MFSD1: variants seen among roughly 807,000 people sequenced by gnomAD.
MFSD1 encodes major facilitator superfamily domain containing 1.
MFSD1 carries 59 observed loss-of-function variants against 67.1 expected under a neutral mutation model. That is an observed-to-expected ratio of 0.88 (90% CI 0.71 to 1.09). The LOEUF (loss-of-function observed/expected upper bound fraction) is 1.09, where lower values mean the gene tolerates loss of function less well. Ranked by LOEUF, MFSD1 falls within the 50% of genes least tolerant of loss-of-function variation. The pLI is 0.00. For missense variants in MFSD1, 552 were observed against 566.1 expected, an observed-to-expected ratio of 0.97 and a Z score of 0.25; for synonymous variants, 213 against 200.3, an observed-to-expected ratio of 1.06 and a Z score of -0.54.
chr3:158,814,261 T>C (rs552391563), intron 7 of MFSD1, among the ~76,000 whole-genome samples, 194 bp downstream of exon 7: 1 of 152,352 alleles, frequency 6.6e-6, no homozygotes, highest in East Asian at 1.9e-4. Context: ...TTCCACTTTC[T>C]GAAAATGGAT....
intron 12 of MFSD1, 83 bp from the exon 13 acceptor site, chr3:158,824,041 A>T: frequency 1.1e-6 from 1 of 922,042 alleles, no homozygotes; most frequent in Non-Finnish European, 1.7e-6. Context: ...TGGTTCACAG[A>T]TACTAATATT....
At chr3:158,807,348 C>G (rs1729779893) in intron 4 of MFSD1, 48 bp from the exon 5 acceptor site, 2 of 1,455,512 alleles carry the variant, frequency 1.4e-6, no homozygotes, top group South Asian at 1.2e-5. Context: ...CTCTTTAATA[C>G]TTTGAATTTA....
chr3:158,817,545 A>T (rs1438165404), intron 7 of MFSD1, among the ~76,000 whole-genome samples: 1 of 152,232 alleles, frequency 6.6e-6, no homozygotes, highest in Non-Finnish European at 1.5e-5. Flanking sequence ...CTTACAAGGG[A>T]TGTGAAGAAC....
chr3:158,809,579 C>T (rs1314255312), intron 6 of MFSD1, among the ~76,000 whole-genome samples: 1 of 152,006 alleles, frequency 6.6e-6, no homozygotes. Context: ...TTTTGGCATC[C>T]CTGCTAGAAC....
intron 6 of MFSD1, among the ~76,000 whole-genome samples, chr3:158,812,979 G>A (rs1007874867): frequency 6.6e-6 from 1 of 151,934 alleles, no homozygotes. Context: ...TTTCCTGCAA[G>A]TTTATACGCC....
At chr3:158,807,246 A>C (rs915258016) in intron 4 of MFSD1, 150 bp from the exon 5 acceptor site, 1 of 918,544 alleles carries the variant, frequency 1.1e-6, no homozygotes, top group Non-Finnish European at 1.7e-6. Flanking sequence ...GCCTTGAAAT[A>C]AATGAACATT....
chr3:158,826,141 G>A, intron 14 of MFSD1, 79 bp downstream of exon 14: 1 of 1,132,266 alleles, frequency 8.8e-7, no homozygotes, highest in East Asian at 2.4e-5. Flanking sequence ...CTCTTTGGGG[G>A]CCAGTGCTTT....
chr3:158,824,504 T>A (rs779905357), intron 13 of MFSD1: 21 of 375,720 alleles, frequency 5.6e-5, no homozygotes, highest in Non-Finnish European at 9.7e-5. Context: ...GTGGAACAAT[T>A]TGAAGAGTCC....
chr3:158,810,261 C>G (rs1306352407), intron 6 of MFSD1, among the ~76,000 whole-genome samples: 1 of 152,092 alleles, frequency 6.6e-6, no homozygotes, highest in Non-Finnish European at 1.5e-5. Context: ...TTGGCATTCC[C>G]AAATCCCATT....
chr3:158,809,269 A>C lies in MFSD1; in HGVS notation c.531A>C (p.Gln177His), dbSNP rs762040483. ...AATTAAACCTGGTGTTTGGACTTCA[A>C]CTTAGCATGGCTAGAATTGTAAGTA... ...GKELNLVFGL[Q>H]LSMARIGSTV... Residue 177 changes from glutamine (Q) to histidine (H), a missense_variant, in exon 6 of 16, where the codon CAA becomes CAC. Gln to His is a conservative substitution (Grantham distance 24). Transcript: ENST00000415822. 1.2e-6 allele frequency: 2 copies of C among 1,607,060 alleles called. No individual in the cohort carries two copies. The highest frequency in any genetic ancestry group is 2.2e-5 in the South Asian group (2 of 89,752).
At chr3:158,825,181 C>T (rs1379937795) in intron 13 of MFSD1, 2 of 152,012 alleles carry the variant, frequency 1.3e-5, no homozygotes, top group Non-Finnish European at 2.9e-5. Flanking sequence ...TTTTTAGAGA[C>T]AGGATTTGTC....
chr3:158,811,010 T>C (rs1729978913), intron 6 of MFSD1, among the ~76,000 whole-genome samples: 1 of 152,226 alleles, frequency 6.6e-6, no homozygotes, highest in Admixed American at 6.5e-5. Flanking sequence ...GACTTCATTC[T>C]GGTTACCAGG....
chr3:158,803,849 A>G (rs1189661863), intron 1 of MFSD1, among the ~76,000 whole-genome samples: 2 of 151,660 alleles, frequency 1.3e-5, no homozygotes, highest in Non-Finnish European at 2.9e-5. Flanking sequence ...GATTTTGGGT[A>G]GTTTGTAGAA....
Position 158,802,120 on chromosome 3 carries a change from A to G in MFSD1, c.-33A>G, listed in dbSNP as rs1465163982. 5.0e-6 allele frequency: 8 copies of G among 1,609,044 alleles called. No homozygotes were observed. In the Admixed American group the frequency reaches 5.0e-5, roughly 10 times the overall value. Reference sequence around the variant, plus strand: ...CTTCCTGCCTGGGTTTGGAGTTGTCACCACTTTCCCCTCTCCGTCTCCTGC... The same window carrying G: ...CTTCCTGCCTGGGTTTGGAGTTGTCGCCACTTTCCCCTCTCCGTCTCCTGC... On this transcript the variant is annotated 5_prime_UTR_variant, in exon 1 of 16. Transcript: ENST00000415822.
In MFSD1 at chr3:158,805,360, A is replaced by G. The variant is rs773348563; in HGVS notation, c.217-2A>G. 64 of 1,604,268 alleles carry G rather than the reference A, an allele frequency of 4.0e-5. No homozygotes were observed. The highest frequency in any genetic ancestry group is 5.3e-5 in the Non-Finnish European group (62 of 1,171,058). ...AAATAGTTTTATTTTCTTTTCATAT[A>G]GGATATGCAAGTGAATACCACGAAA... On this transcript the variant is annotated splice_acceptor_variant, in intron 2 of 15. Transcript: ENST00000415822. LOFTEE classifies it high-confidence loss of function.
chr3:158,817,936 A>T (rs1730464210), intron 7 of MFSD1, among the ~76,000 whole-genome samples: 1 of 152,150 alleles, frequency 6.6e-6, no homozygotes, highest in South Asian at 2.1e-4. Flanking sequence ...TTTGGATCCT[A>T]TTATAATATA....
intron 7 of MFSD1, among the ~76,000 whole-genome samples, chr3:158,817,708 C>T (rs986098420): frequency 7.2e-5 from 11 of 152,166 alleles, no homozygotes; most frequent in African/African-American, 2.7e-4. Flanking sequence ...CCATCCCCAT[C>T]AAGCTACCAA....
At chr3:158,826,634 C>A (rs1417019496) in intron 14 of MFSD1, among the ~76,000 whole-genome samples, 1 of 149,896 alleles carries the variant, frequency 6.7e-6, no homozygotes, top group Non-Finnish European at 1.5e-5. Flanking sequence ...AATTTCAGGT[C>A]ATTTCCTTTT....
intron 1 of MFSD1, 103 bp downstream of exon 1, chr3:158,802,418 A>G: frequency 7.5e-7 from 1 of 1,341,472 alleles, no homozygotes; most frequent in Admixed American, 1.8e-5. Context: ...GCCTCAGCGC[A>G]GCTTCTGTCT....
Sources: gnomAD v4.1 joint callset for allele counts (sites outside exome capture counted in the v4.1 genomes callset) on GRCh38, gnomAD v4.1.1 for gene constraint, MANE v1.5 for transcripts, NCBI Gene and HGNC (gene_info 2026-07-23, HGNC 2026-07-21) for gene names.